MYH13: variants seen among roughly 807,000 people sequenced by gnomAD.
MYH13 encodes myosin-13.
MYH13 carries 177 observed loss-of-function variants against 232.1 expected under a neutral mutation model. The ratio of observed to expected loss-of-function variants is 0.76; its 90% confidence interval spans 0.67 to 0.86. The LOEUF is 0.86. Among genes scored for constraint, MYH13 ranks in the 40% least tolerant of loss-of-function variants. The pLI is 0.00. For synonymous variants in MYH13, 884 were observed against 923.5 expected, an observed-to-expected ratio of 0.96 and a Z score of 0.78; for missense variants, 2,246 against 2,405.9, an observed-to-expected ratio of 0.93 and a Z score of 1.39.
In MYH13 at chr17:10,315,681, C is replaced by T. The variant is rs777655717; in HGVS notation, c.3984+12G>A. On this transcript the variant is annotated intron_variant, in intron 29 of 40. Coordinates refer to ENST00000252172, the MANE Select transcript of MYH13 (RefSeq NM_003802.3). ...CTGGCTTCTCAGGTTCAATCTGACT[C>T]TATATCTTTACCTTGGTTTCTTCTT... 6.2e-7 allele frequency: 1 copy of T among 1,611,566 alleles called. No homozygotes were observed. The highest frequency in any genetic ancestry group is 8.5e-7 in the Non-Finnish European group (1 of 1,178,376).
At position 10,371,332 on chromosome 17, in the gene MYH13, GA is replaced by G. The variant is rs756259299; in HGVS notation, c.-63-74del. 7.9e-5 allele frequency: 12 copies of G among 152,168 alleles called. No homozygotes were observed. The South Asian group carries it at 2.1e-3, about 26-fold the overall frequency. 9.4% of individuals were successfully genotyped at this position (152,168 alleles called of 1,614,324 possible). ...GCTACAAAGAGTTTAAATAAATATA[GA>G]AACCATGTTTGTTCCAGTTTATCTA... On this transcript the variant is annotated intron_variant, in intron 1 of 40. Transcript: ENST00000252172.
In MYH13 at chr17:10,354,985, C is replaced by T. The variant is rs1418636744; in HGVS notation, c.811G>A (p.Glu271Lys). ...ASADIETYLL[E>K]KSRVTFQLSS... ...AATTGAAACGTCACTCTGGATTTTT[C>T]TAACAGATCTAAGGTAACAAAAATA... is the stretch of plus-strand genomic sequence containing the variant. The change falls in exon 10 of 41, where the codon GAA becomes AAA. Residue 271 changes from glutamate to lysine, a missense_variant. Glu to Lys is a moderately conservative substitution (Grantham distance 56). Coordinates refer to ENST00000252172, the MANE Select transcript of MYH13 (RefSeq NM_003802.3). 6.2e-7 allele frequency: 1 copy of T among 1,609,960 alleles called. No individual in the cohort carries two copies. Among genetic ancestry groups the T allele is most frequent in the Non-Finnish European group, 8.5e-7 (1 of 1,176,312 alleles).
chr17:10,329,336 GA>G (rs1265092168), intron 21 of MYH13, among the ~76,000 whole-genome samples: 1 of 152,068 alleles, frequency 6.6e-6, no homozygotes, highest in African/African-American at 2.4e-5. Context: ...ATTATCAAAG[GA>G]AAAAGACTTA....
rs754224134 is a variant in MYH13, at chr17:10,330,417, C to T, written c.2405G>A (p.Arg802Gln). 9.9e-6 allele frequency: 16 copies of T among 1,613,464 alleles called. No homozygotes were observed. The highest frequency in any genetic ancestry group is 2.2e-5 in the South Asian group (2 of 90,976). ...TQAVCRGYLM[R>Q]VEFKKMMERR... is the part of the protein sequence containing the mutation. Reference sequence around the variant, plus strand: ...CTCCATCATCTTCTTGAACTCCACCCGCATCAGGTACCCCCTGCACACCGC... The same window carrying T: ...CTCCATCATCTTCTTGAACTCCACCTGCATCAGGTACCCCCTGCACACCGC... The change falls in exon 21 of 41, where the codon CGG (arginine) becomes CAG (glutamine). Residue 802 changes from arginine to glutamine, a missense_variant. Physicochemically the swap from Arg to Gln is conservative, Grantham distance 43 (BLOSUM62 1). Transcript: ENST00000252172.
In MYH13 at chr17:10,372,989, T is replaced by C. The variant is rs961400379; in HGVS notation, c.-74A>G. On this transcript the variant is annotated 5_prime_UTR_variant, in exon 1 of 41. Transcript: ENST00000252172. ...CTTGTGAGCACTTACCTAGAGATGCTGCGGTCACAGCAATTTCAGGAGTGT... is the reference window on the plus strand; with the variant it reads ...CTTGTGAGCACTTACCTAGAGATGCCGCGGTCACAGCAATTTCAGGAGTGT... 2 of 152,234 alleles carry C rather than the reference T, an allele frequency of 1.3e-5. No individual in the cohort carries two copies. The highest frequency in any genetic ancestry group is 4.8e-5 in the African/African-American group (2 of 41,452). 9.4% of individuals were successfully genotyped at this position (152,234 alleles called of 1,614,324 possible).
At chr17:10,361,105 A>G (rs1371436486) in intron 5 of MYH13, among the ~76,000 whole-genome samples, 7 of 152,180 alleles carry the variant, frequency 4.6e-5, no homozygotes, top group African/African-American at 1.2e-4. Flanking sequence ...GCCATAGCAA[A>G]CTAATAGAAA....
intron 21 of MYH13, among the ~76,000 whole-genome samples, chr17:10,328,706 CTT>C (rs1237493421): frequency 7.5e-6 from 1 of 132,540 alleles, no homozygotes; most frequent in African/African-American, 2.9e-5. Context: ...GAGATGGAGT[CTT>C]GCTCTGTTGC....
At chr17:10,317,957 A>G (rs1480619108) in intron 27 of MYH13, 1 of 152,192 alleles carries the variant, frequency 6.6e-6, no homozygotes, top group Admixed American at 6.5e-5. Context: ...AAGAGCCCCA[A>G]TCGGCCAGGC....
At chr17:10,360,370 G>A (rs917424128) in intron 5 of MYH13, among the ~76,000 whole-genome samples, 182 bp from the exon 6 acceptor site, 2 of 152,112 alleles carry the variant, frequency 1.3e-5, no homozygotes. Context: ...CTCAAATGTG[G>A]GATGTGCAAC....
At chr17:10,348,638 A>G (rs1271813205) in intron 12 of MYH13, among the ~76,000 whole-genome samples, 1 of 152,068 alleles carries the variant, frequency 6.6e-6, no homozygotes, top group Non-Finnish European at 1.5e-5. Context: ...CTACTGAGGT[A>G]TATCAATACG....
At chr17:10,316,093 C>T (rs762617471) in intron 27 of MYH13, 68 bp from the exon 28 acceptor site, 19 of 1,519,152 alleles carry the variant, frequency 1.3e-5, no homozygotes, top group Non-Finnish European at 1.7e-5. Flanking sequence ...TTGAACTGAA[C>T]AGTGTAATCA....
chr17:10,336,294 A>T (rs1267969767), intron 18 of MYH13, among the ~76,000 whole-genome samples: 1 of 152,018 alleles, frequency 6.6e-6, no homozygotes, highest in Non-Finnish European at 1.5e-5. Flanking sequence ...AATGCGTAAA[A>T]CTTCTAAAAA....
rs1906712839 is a variant in MYH13, at chr17:10,316,373, A to T, written c.3739-348T>A. 3.3e-5 allele frequency among the ~76,000 whole-genome samples: 5 copies of T among 152,106 alleles called. No homozygotes were observed. In the South Asian group the frequency reaches 1.0e-3, roughly 32 times the overall value. The stretch of plus-strand genomic sequence containing the variant: ...CTACTCGGGAGGCTGAGGCAGGAGA[A>T]TCGCTTGAACTCGGGAGGCGGAGGT... On this transcript the variant is annotated intron_variant, in intron 27 of 40. Coordinates refer to ENST00000252172, the MANE Select transcript of MYH13 (RefSeq NM_003802.3).
intron 1 of MYH13, among the ~76,000 whole-genome samples, chr17:10,372,178 A>G (rs2071882163): frequency 6.6e-6 from 1 of 152,240 alleles, no homozygotes; most frequent in South Asian, 2.1e-4. Context: ...TTAAAGTATT[A>G]CATACTATAT....
chr17:10,316,912 G>A (rs1293808875), intron 27 of MYH13, among the ~76,000 whole-genome samples: 1 of 152,186 alleles, frequency 6.6e-6, no homozygotes, highest in Non-Finnish European at 1.5e-5. Context: ...GAGGAAGCAG[G>A]GACACTAATT....
intron 22 of MYH13, among the ~76,000 whole-genome samples, chr17:10,326,419 CTG>C (rs1429200719): frequency 2.0e-5 from 3 of 152,194 alleles, no homozygotes; most frequent in South Asian, 4.1e-4. Context: ...TGCCTTCACT[CTG>C]TGAAAGAGAC....
intron 35 of MYH13, among the ~76,000 whole-genome samples, chr17:10,308,008 T>C (rs975420900): frequency 1.3e-5 from 2 of 152,154 alleles, no homozygotes; most frequent in South Asian, 2.1e-4. Context: ...TTTCTGTCAT[T>C]AAAAATCATA....
intron 8 of MYH13, among the ~76,000 whole-genome samples, chr17:10,355,947 A>G (rs1168648858): frequency 6.9e-6 from 1 of 145,712 alleles, no homozygotes; most frequent in Non-Finnish European, 1.5e-5. Flanking sequence ...AATCTGGCTC[A>G]GAGGCCCGGG....
chr17:10,351,472 A>T (rs2071710434), intron 11 of MYH13, among the ~76,000 whole-genome samples: 1 of 152,190 alleles, frequency 6.6e-6, no homozygotes, highest in African/African-American at 2.4e-5. Flanking sequence ...ATCATCAAAG[A>T]TGGCATCATC....
Sources: allele counts gnomAD v4.1 joint callset (sites outside exome capture counted in the v4.1 genomes callset), GRCh38; gene constraint gnomAD v4.1.1; transcripts MANE v1.5; gene names NCBI Gene and HGNC (gene_info 2026-07-23, HGNC 2026-07-21).